The following CAMK4 variants were observed in gnomAD, a reference collection of about 807,000 sequenced individuals.
CAMK4 encodes the protein calcium/calmodulin dependent protein kinase IV, also known as calcium/calmodulin-dependent protein kinase type IV.
Under a neutral mutation model 44.9 loss-of-function variants are expected in CAMK4, and 22 were observed. The observed-to-expected ratio is 0.49, with a 90% CI of 0.35 to 0.70. The LOEUF (loss-of-function observed/expected upper bound fraction) is 0.70, where lower values mean the gene tolerates loss of function less well. CAMK4 is among the 30% of genes least tolerant of loss of function. CAMK4 has a pLI of 0.01. For missense variants in CAMK4, 498 were observed against 586.8 expected (o/e 0.85, Z 1.56); for synonymous variants, 218 against 215.4 (o/e 1.01, Z -0.11).
chr5:111,269,265 C>T (rs1750397780), intron 1 of CAMK4, among the ~76,000 whole-genome samples: 1 of 152,128 alleles, frequency 6.6e-6, no homozygotes, highest in Non-Finnish European at 1.5e-5. Context: ...AGAAGGCAAA[C>T]CTTTTTGACT....
Position 111,394,783 on chromosome 5 carries a change from G to A in CAMK4, c.459+1G>A. The A allele has an allele frequency of 6.3e-7, 1 of 1,599,866 alleles. No individual in the cohort carries two copies. The highest frequency in any genetic ancestry group is 8.6e-7 in the Non-Finnish European group (1 of 1,167,378). On this transcript the variant is annotated splice_donor_variant, in intron 5 of 10. Transcript: ENST00000282356. LOFTEE classifies it high-confidence loss of function. Reference sequence around the variant, plus strand: ...TAAACAAATCCTGGAGGCAGTTGCTGTAAGTATGAAGTAACAGCAATGGTG... The same window carrying A: ...TAAACAAATCCTGGAGGCAGTTGCTATAAGTATGAAGTAACAGCAATGGTG...
At chr5:111,445,944 C>G (rs1453854701) in intron 5 of CAMK4, among the ~76,000 whole-genome samples, 1 of 152,102 alleles carries the variant, frequency 6.6e-6, no homozygotes, top group East Asian at 1.9e-4. Flanking sequence ...GAAGAGGGGA[C>G]TGGAACTGGA....
chr5:111,301,019 C>T (rs1341471537), intron 1 of CAMK4, among the ~76,000 whole-genome samples: 1 of 151,618 alleles, frequency 6.6e-6, no homozygotes, highest in Non-Finnish European at 1.5e-5. Context: ...GCAATTTGAA[C>T]TGACCCGTAA....
intron 8 of CAMK4, among the ~76,000 whole-genome samples, chr5:111,476,239 T>TTG (rs5870455): frequency 5.1e-4 from 68 of 132,874 alleles, no homozygotes; most frequent in East Asian, 1.7e-3. Flanking sequence ...CTTTGCTTCT[T>TTG]TGTGTGTGTG....
chr5:111,245,963 T>C (rs989003596), intron 1 of CAMK4, among the ~76,000 whole-genome samples: 1 of 152,250 alleles, frequency 6.6e-6, no homozygotes, highest in Admixed American at 6.5e-5. Flanking sequence ...AAAGCATTGA[T>C]GTTAACATTA....
intron 9 of CAMK4, among the ~76,000 whole-genome samples, chr5:111,481,280 G>A (rs554463474): frequency 6.6e-5 from 10 of 152,238 alleles, no homozygotes; most frequent in African/African-American, 2.2e-4. Context: ...ATGTTGTAAG[G>A]ATTAGGGCTC....
At chr5:111,469,663 G>C (rs1328639807) in intron 7 of CAMK4, among the ~76,000 whole-genome samples, 2 of 152,144 alleles carry the variant, frequency 1.3e-5, no homozygotes, top group African/African-American at 4.8e-5. Flanking sequence ...GGGTGGGAGG[G>C]TTGATTTCAC....
intron 7 of CAMK4, among the ~76,000 whole-genome samples, chr5:111,456,140 T>C (rs76928236): frequency 0.012 from 1,800 of 152,170 alleles, 43 homozygotes; most frequent in African/African-American, 0.041. Context: ...GGGAGTTGGT[T>C]TGAGGTCTTT....
chr5:111,367,437 G>A (rs1351063472), intron 2 of CAMK4, among the ~76,000 whole-genome samples: 1 of 151,946 alleles, frequency 6.6e-6, no homozygotes, highest in Non-Finnish European at 1.5e-5. Context: ...ATGAACTTTT[G>A]GAGGATGCAT....
At chr5:111,245,833 A>T (rs943274181) in intron 1 of CAMK4, among the ~76,000 whole-genome samples, 2 of 152,264 alleles carry the variant, frequency 1.3e-5, no homozygotes, top group African/African-American at 2.4e-5. Flanking sequence ...GTACGTCATA[A>T]TCATGTGAAC....
chr5:111,386,445 C>T (rs1208024486), intron 4 of CAMK4, among the ~76,000 whole-genome samples: 1 of 152,012 alleles, frequency 6.6e-6, no homozygotes, highest in African/African-American at 2.4e-5. Flanking sequence ...GAGTGGTGGG[C>T]AGAGCAGCAG....
chr5:111,445,961 G>A (rs1010128651), intron 5 of CAMK4, among the ~76,000 whole-genome samples: 1 of 152,166 alleles, frequency 6.6e-6, no homozygotes, highest in Non-Finnish European at 1.5e-5. Context: ...TGGATCTGGG[G>A]GAAGGGAAAT....
intron 5 of CAMK4, among the ~76,000 whole-genome samples, chr5:111,444,678 G>C (rs965519286): frequency 2.0e-5 from 3 of 152,088 alleles, no homozygotes; most frequent in Non-Finnish European, 4.4e-5. Context: ...AAGCCATCTT[G>C]AAACTGTACC....
At chr5:111,414,919 C>T (rs1325850589) in intron 5 of CAMK4, among the ~76,000 whole-genome samples, 1 of 152,126 alleles carries the variant, frequency 6.6e-6, no homozygotes, top group African/African-American at 2.4e-5. Flanking sequence ...GATATTATTT[C>T]CTCCCAAATT....
chr5:111,427,816 G>A (rs906516634), intron 5 of CAMK4, among the ~76,000 whole-genome samples: 1 of 152,248 alleles, frequency 6.6e-6, no homozygotes, highest in African/African-American at 2.4e-5. Context: ...GGACCTCACT[G>A]CCCTGAAGGG....
intron 1 of CAMK4, among the ~76,000 whole-genome samples, chr5:111,318,897 G>A (rs1360542802): frequency 6.6e-6 from 1 of 152,140 alleles, no homozygotes; most frequent in African/African-American, 2.4e-5. Context: ...GTAAGTAGAT[G>A]TAAGTGGATT....
intron 1 of CAMK4, among the ~76,000 whole-genome samples, chr5:111,238,064 CTG>C (rs142934226): frequency 0.012 from 1,901 of 152,174 alleles, 37 homozygotes; most frequent in African/African-American, 0.043. Flanking sequence ...TGAAAGGAAA[CTG>C]TGGGTGGGAA....
intron 1 of CAMK4, among the ~76,000 whole-genome samples, chr5:111,339,765 T>C (rs1350450266): frequency 6.6e-6 from 1 of 151,300 alleles, no homozygotes; most frequent in African/African-American, 2.4e-5. Context: ...GTGAACAATG[T>C]TATTGGAATT....
chr5:111,367,894 C>T (rs1318719641), intron 2 of CAMK4, among the ~76,000 whole-genome samples: 2 of 152,052 alleles, frequency 1.3e-5, no homozygotes, highest in Admixed American at 6.6e-5. Flanking sequence ...TGCAGCTGCC[C>T]ATATGACCTG....
Sources: allele counts gnomAD v4.1 joint callset (sites outside exome capture counted in the v4.1 genomes callset), GRCh38; gene constraint gnomAD v4.1.1; transcripts MANE v1.5; gene names NCBI Gene and HGNC (gene_info 2026-07-23, HGNC 2026-07-21).